HIVEP3: variants seen among roughly 807,000 people sequenced by gnomAD.
The protein encoded by HIVEP3 is HIVEP zinc finger 3, also known as transcription factor HIVEP3.
Under a neutral mutation model 152.8 loss-of-function variants are expected in HIVEP3, and 49 were observed. That is an observed-to-expected ratio of 0.32 (90% CI 0.26 to 0.41). The LOEUF (loss-of-function observed/expected upper bound fraction) is 0.41, where lower values mean the gene tolerates loss of function less well. Among genes scored for constraint, HIVEP3 ranks in the 10% least tolerant of loss-of-function variants. HIVEP3 has a pLI of 1.00. For missense variants in HIVEP3, 2,790 were observed against 3,103.3 expected (o/e 0.90, Z 2.40); for synonymous variants, 1,269 against 1,289.0 (o/e 0.98, Z 0.33).
intron 1 of HIVEP3, among the ~76,000 whole-genome samples, chr1:41,837,139 T>C (rs1433595412): frequency 2.0e-5 from 3 of 152,132 alleles, no homozygotes; most frequent in Non-Finnish European, 2.9e-5. Context: ...CTTATTCCTG[T>C]CTCAGGAAAT....
At chr1:41,527,802 C>T (rs1643047238) in intron 5 of HIVEP3, among the ~76,000 whole-genome samples, 1 of 142,908 alleles carries the variant, frequency 7.0e-6, no homozygotes, top group African/African-American at 2.6e-5. Flanking sequence ...TCACACTCTA[C>T]ACCCTACCCT....
At chr1:41,875,780 G>A (rs554494883) in intron 1 of HIVEP3, among the ~76,000 whole-genome samples, 6 of 152,332 alleles carry the variant, frequency 3.9e-5, no homozygotes, top group African/African-American at 1.2e-4. Flanking sequence ...CCTTGCCTTA[G>A]CAGGGTACAT....
At chr1:41,679,100 G>A (rs1341962583) in intron 2 of HIVEP3, among the ~76,000 whole-genome samples, 1 of 152,206 alleles carries the variant, frequency 6.6e-6, no homozygotes, top group Non-Finnish European at 1.5e-5. Context: ...TCACGACTGG[G>A]CATTTGGAAT....
rs1191877477 is a variant in HIVEP3, at chr1:41,518,451, G to A, written c.5421C>T (p.Ser1807=). ...GCACCCCTGTCTCTTGGCACTTTTT[G>A]CTGTGGGCCTTCGACTTCATGTGCT... is the stretch of plus-strand genomic sequence containing the variant. ...LTKHMKSKAH[S]KKCQETGVLE... is the part of the protein sequence containing the mutation. The change falls in exon 7 of 9, where the codon AGC becomes AGT. Residue 1807 remains serine, a synonymous_variant. Transcript: ENST00000372583. The A allele has an allele frequency of 3.1e-6, 5 of 1,614,194 alleles. No individual in the cohort carries two copies. The highest frequency in any genetic ancestry group is 4.2e-6 in the Non-Finnish European group (5 of 1,180,018).
intron 1 of HIVEP3, among the ~76,000 whole-genome samples, chr1:41,963,952 T>C (rs1052304799): frequency 6.6e-6 from 1 of 152,170 alleles, no homozygotes; most frequent in African/African-American, 2.4e-5. Context: ...AGTATTAAAA[T>C]GCAAGTGAGT....
intron 1 of HIVEP3, among the ~76,000 whole-genome samples, chr1:42,000,814 C>T (rs553865999): frequency 6.6e-6 from 1 of 152,336 alleles, no homozygotes; most frequent in South Asian, 2.1e-4. Context: ...CAACCAATCG[C>T]TCCCCAGCTC....
At chr1:41,681,384 G>A (rs919665277) in intron 2 of HIVEP3, among the ~76,000 whole-genome samples, 2 of 152,162 alleles carry the variant, frequency 1.3e-5, no homozygotes, top group South Asian at 2.1e-4. Flanking sequence ...GTGCAGCACC[G>A]TGCTGAGCCT....
chr1:41,660,157 GTGTT>G (rs1553244997), intron 2 of HIVEP3, among the ~76,000 whole-genome samples: 2 of 152,134 alleles, frequency 1.3e-5, no homozygotes, highest in Non-Finnish European at 2.9e-5. Flanking sequence ...GTACAAGTGG[GTGTT>G]TGAGTGTGTA....
intron 1 of HIVEP3, among the ~76,000 whole-genome samples, chr1:41,805,951 C>T (rs1650581254): frequency 6.6e-6 from 1 of 152,144 alleles, no homozygotes; most frequent in South Asian, 2.1e-4. Flanking sequence ...AGGTCCTGAG[C>T]CTGATTCCCC....
chr1:41,941,061 G>A (rs983436034), intron 1 of HIVEP3, among the ~76,000 whole-genome samples: 4 of 152,300 alleles, frequency 2.6e-5, no homozygotes, highest in Non-Finnish European at 2.9e-5. Flanking sequence ...TGACATCACT[G>A]AGGTCACTGA....
chr1:41,541,592 C>T (rs1312163851), intron 5 of HIVEP3, among the ~76,000 whole-genome samples: 1 of 152,194 alleles, frequency 6.6e-6, no homozygotes, highest in Non-Finnish European at 1.5e-5. Flanking sequence ...TCAGATCCAA[C>T]CCCAGCTTCT....
intron 1 of HIVEP3, among the ~76,000 whole-genome samples, chr1:41,824,853 G>T (rs2439436): frequency 0.046 from 6,545 of 141,240 alleles, 578 homozygotes; most frequent in African/African-American, 0.16. Flanking sequence ...TTTATATATA[G>T]AGAGAGAGAC....
chr1:41,531,719 T>G (rs1643261011), intron 5 of HIVEP3, among the ~76,000 whole-genome samples: 1 of 85,782 alleles, frequency 1.2e-5, no homozygotes, highest in Non-Finnish European at 2.4e-5. Flanking sequence ...ACAGGAGAGA[T>G]GGAAGACAGG....
chr1:41,821,432 T>G (rs1358843540), intron 1 of HIVEP3, among the ~76,000 whole-genome samples: 1 of 152,204 alleles, frequency 6.6e-6, no homozygotes, highest in Non-Finnish European at 1.5e-5. Flanking sequence ...TCGAGCTTTT[T>G]GGGCCTATGT....
intron 1 of HIVEP3, among the ~76,000 whole-genome samples, chr1:41,888,396 C>T (rs1295913495): frequency 1.3e-5 from 2 of 151,792 alleles, no homozygotes; most frequent in Admixed American, 1.3e-4. Flanking sequence ...CATATCTAAG[C>T]CCTTCTTCTC....
rs1553135852 is a variant in HIVEP3 at position 41,929,726 on chromosome 1, T to TATATATATATATATATATATATATA, written n.120-11203_120-11202insTATATATATATATATATATATATAT. ...TGTGTGAGTGTGTGTATATGTGTTT[T>TATATATATATATATATATATATATA]TATATATATATATATATATATATAT... On this transcript the variant is annotated intron_variant and non_coding_transcript_variant, in intron 1 of 3. Coordinates refer to the HIVEP3 transcript ENST00000489103. Among the ~76,000 whole-genome samples the TATATATATATATATATATATATATA allele has an allele frequency of 4.5e-3, 506 of 112,608 alleles. 41 individuals carry two copies. The highest frequency in any genetic ancestry group is 8.1e-3 in the Admixed American group (86 of 10,584). 73.9% of individuals were successfully genotyped at this position (112,608 alleles called of 152,430 possible). A position where few individuals can be genotyped will look rare whatever the true frequency, so the allele number is the denominator to read the frequency against.
intron 1 of HIVEP3, among the ~76,000 whole-genome samples, chr1:41,855,716 T>C (rs967007090): frequency 5.3e-5 from 8 of 152,144 alleles, no homozygotes; most frequent in Admixed American, 2.6e-4. Flanking sequence ...CACTGGACCA[T>C]AGAACTCCTC....
intron 2 of HIVEP3, among the ~76,000 whole-genome samples, chr1:41,642,555 C>A (rs1302747945): frequency 6.6e-6 from 1 of 152,146 alleles, no homozygotes; most frequent in Non-Finnish European, 1.5e-5. Flanking sequence ...GTGGTGTTTA[C>A]CTTCTCTACC....
At chr1:41,565,246 C>A (rs1026904739) in intron 5 of HIVEP3, among the ~76,000 whole-genome samples, 1 of 152,074 alleles carries the variant, frequency 6.6e-6, no homozygotes, top group African/African-American at 2.4e-5. Flanking sequence ...AGGTGGAATG[C>A]GAATGGCAAA....
Sources: allele counts gnomAD v4.1 joint callset (sites outside exome capture counted in the v4.1 genomes callset), GRCh38; gene constraint gnomAD v4.1.1; transcripts MANE v1.5; gene names NCBI Gene and HGNC (gene_info 2026-07-23, HGNC 2026-07-21).